VWC2L: variants seen among roughly 807,000 people sequenced by gnomAD.
The protein encoded by VWC2L is von Willebrand factor C domain containing 2 like.
In VWC2L, 10 loss-of-function variants were observed where a neutral mutation model predicts 21.6. That is an observed-to-expected ratio of 0.46 (90% CI 0.29 to 0.78). The LOEUF (loss-of-function observed/expected upper bound fraction) is 0.78. Among genes scored for constraint, VWC2L ranks in the 30% least tolerant of loss-of-function variants. VWC2L has a pLI of 0.10. For missense variants in VWC2L, 209 were observed against 277.1 expected (o/e 0.75, Z 1.74); for synonymous variants, 96 against 94.3 (o/e 1.02, Z -0.10).
chr2:214,451,307 G>GT (rs1238726886), intron 3 of VWC2L, among the ~76,000 whole-genome samples: 13 of 88,566 alleles, frequency 1.5e-4, no homozygotes, highest in East Asian at 2.9e-4. Context: ...GTGGGTCGGT[G>GT]TGGGGGGGGG....
At chr2:214,554,532 G>A (rs1689845654) in intron 3 of VWC2L, among the ~76,000 whole-genome samples, 1 of 152,032 alleles carries the variant, frequency 6.6e-6, no homozygotes, top group Non-Finnish European at 1.5e-5. Context: ...GTGTGGTGGT[G>A]CATGCCTGTA....
rs147008014 is a variant in VWC2L at position 214,416,127 on chromosome 2, T to C, written c.390+1544T>C. ...AAAAGGGTATTGTAGGAACAGCGTT[T>C]CATAACTAGCACAAATAAAAACATA... On this transcript the variant is annotated intron_variant, in intron 2 of 3. Coordinates refer to ENST00000312504, the MANE Select transcript of VWC2L (RefSeq NM_001080500.4). 1.1e-3 allele frequency among the ~76,000 whole-genome samples: 161 copies of C among 152,162 alleles called. 3 individuals carry two copies. The East Asian group carries it at 0.025, about 24-fold the overall frequency.
rs996001782 is a variant in VWC2L, at chr2:214,424,983, A to T, written c.390+10400A>T. 7.2e-5 allele frequency among the ~76,000 whole-genome samples: 11 copies of T among 152,326 alleles called. No homozygotes were observed. The East Asian group carries it at 2.1e-3, about 29-fold the overall frequency. ...GATTCTCTAAGACAAGGGTCAACACACTATGCTCCATGAGCCAGATCCAGT... is the reference window on the plus strand; with the variant it reads ...GATTCTCTAAGACAAGGGTCAACACTCTATGCTCCATGAGCCAGATCCAGT... On this transcript the variant is annotated intron_variant, in intron 2 of 3. Coordinates refer to ENST00000312504, the MANE Select transcript of VWC2L (RefSeq NM_001080500.4).
intron 3 of VWC2L, among the ~76,000 whole-genome samples, chr2:214,465,923 T>C (rs1048043248): frequency 6.6e-6 from 1 of 152,178 alleles, no homozygotes; most frequent in Non-Finnish European, 1.5e-5. Context: ...TGAGTTCCAA[T>C]GCAAAGTTGC....
intron 3 of VWC2L, among the ~76,000 whole-genome samples, chr2:214,556,502 C>T (rs73989067): frequency 0.044 from 6,709 of 152,180 alleles, 513 homozygotes; most frequent in African/African-American, 0.15. Context: ...CATGAAGGGT[C>T]ACACACAGGA....
chr2:214,529,853 G>T (rs941771411), intron 3 of VWC2L, among the ~76,000 whole-genome samples: 4 of 152,124 alleles, frequency 2.6e-5, no homozygotes, highest in African/African-American at 9.7e-5. Flanking sequence ...AGTGATTCAT[G>T]CTTACGCTCA....
rs1256307084 is a variant in VWC2L at position 214,556,904 on chromosome 2, T to C, written c.521-18768T>C. On this transcript the variant is annotated intron_variant, in intron 3 of 3. Transcript: ENST00000312504. The stretch of plus-strand genomic sequence containing the variant: ...CTCAAGCCTAAATTATAGCTAACAC[T>C]TGTACAGGGCACACTTCGTGCTGAC... Among the ~76,000 whole-genome samples, 2 of 152,172 alleles carry C rather than the reference T, an allele frequency of 1.3e-5. 1 individual carries two copies. Among genetic ancestry groups the C allele is most frequent in the African/African-American group, 4.8e-5 (2 of 41,454 alleles).
At chr2:214,448,042 A>G (rs1039727445) in intron 3 of VWC2L, among the ~76,000 whole-genome samples, 1 of 152,074 alleles carries the variant, frequency 6.6e-6, no homozygotes, top group African/African-American at 2.4e-5. Context: ...TCTATGAGCT[A>G]TGAGTTAACA....
intron 3 of VWC2L, among the ~76,000 whole-genome samples, chr2:214,506,895 T>C (rs1201310832): frequency 6.6e-6 from 1 of 152,004 alleles, no homozygotes; most frequent in Non-Finnish European, 1.5e-5. Context: ...TGTCTAAATA[T>C]ATAGAAAGAA....
At chr2:214,567,587 C>CAG (rs1690086036) in intron 3 of VWC2L, among the ~76,000 whole-genome samples, 5 of 135,780 alleles carry the variant, frequency 3.7e-5, no homozygotes, top group Non-Finnish European at 8.0e-5. Context: ...CACACACACA[C>CAG]ACACACACAG....
intron 3 of VWC2L, among the ~76,000 whole-genome samples, chr2:214,499,978 G>T (rs758520440): frequency 3.9e-5 from 6 of 152,206 alleles, no homozygotes; most frequent in Non-Finnish European, 7.3e-5. Context: ...GTTGGGAAAG[G>T]CCTTTCTGAG....
chr2:214,460,653 T>C (rs1332627020), intron 3 of VWC2L, among the ~76,000 whole-genome samples: 1 of 152,220 alleles, frequency 6.6e-6, no homozygotes, highest in Non-Finnish European at 1.5e-5. Flanking sequence ...TTTGATGAAT[T>C]TCTGATTCAT....
chr2:214,464,448 T>G lies in VWC2L; in HGVS notation c.520+27690T>G, dbSNP rs180725917. 3.3e-5 allele frequency among the ~76,000 whole-genome samples: 5 copies of G among 152,226 alleles called. No individual in the cohort carries two copies. The East Asian group carries it at 9.7e-4, about 30-fold the overall frequency. On this transcript the variant is annotated intron_variant, in intron 3 of 3. Transcript: ENST00000312504. ...GTAACAACTGGGAGAATTTCCTGGA[T>G]TACCAGGCAGAGTCTCTTGTTTTCT...
At chr2:214,461,280 C>G (rs560402153) in intron 3 of VWC2L, among the ~76,000 whole-genome samples, 44 of 152,280 alleles carry the variant, frequency 2.9e-4, no homozygotes, top group African/African-American at 1.1e-3. Context: ...CAGCAATGGC[C>G]TGGACAGTTG....
chr2:214,414,708 G>C, intron 2 of VWC2L, 125 bp downstream of exon 2: 2 of 1,079,690 alleles, frequency 1.9e-6, no homozygotes, highest in East Asian at 2.6e-5. Flanking sequence ...TATACAATTT[G>C]ATTCTAATTA....
intron 3 of VWC2L, among the ~76,000 whole-genome samples, chr2:214,503,480 G>C (rs1249870325): frequency 1.3e-5 from 2 of 151,940 alleles, no homozygotes; most frequent in East Asian, 3.9e-4. Context: ...AGAGGCAAAG[G>C]GAAAAGAGCT....
intron 3 of VWC2L, among the ~76,000 whole-genome samples, chr2:214,465,596 T>C (rs1703203675): frequency 6.6e-6 from 1 of 152,202 alleles, no homozygotes; most frequent in Non-Finnish European, 1.5e-5. Context: ...GTCTGGGTGA[T>C]GCAAGCACCT....
intron 2 of VWC2L, among the ~76,000 whole-genome samples, chr2:214,421,883 A>ATTTTTTTTTTTTTTTTTT (rs1574555783): frequency 6.8e-5 from 6 of 88,358 alleles, no homozygotes; most frequent in East Asian, 5.5e-4. Context: ...TATTTCCTAC[A>ATTTTTTTTTTTTTTTTTT]TCTTTTTTTT....
chr2:214,550,753 C>T (rs1412254913), intron 3 of VWC2L, among the ~76,000 whole-genome samples: 1 of 152,180 alleles, frequency 6.6e-6, no homozygotes, highest in East Asian at 1.9e-4. Context: ...TTGTAACTCA[C>T]ATTCTGGTTT....
Sources: allele counts gnomAD v4.1 joint callset (sites outside exome capture counted in the v4.1 genomes callset), GRCh38; gene constraint gnomAD v4.1.1; transcripts MANE v1.5; gene names NCBI Gene and HGNC (gene_info 2026-07-23, HGNC 2026-07-21).